The following CASR variants were observed in gnomAD, a reference collection of about 807,000 sequenced individuals.
CASR encodes extracellular calcium-sensing receptor.
In CASR, 23 loss-of-function variants were observed where a neutral mutation model predicts 69.1. The observed-to-expected ratio is 0.33, with a 90% CI of 0.24 to 0.47. The LOEUF (loss-of-function observed/expected upper bound fraction) is 0.47, where lower values mean the gene tolerates loss of function less well. Among genes scored for constraint, CASR ranks in the 20% least tolerant of loss-of-function variants. CASR has a pLI of 1.00. For synonymous variants in CASR, 541 were observed against 544.7 expected (o/e 0.99, Z 0.10); for missense variants, 924 against 1,356.1 (o/e 0.68, Z 5.00).
chr3:122,264,991 C>T (rs1447641189), intron 4 of CASR, among the ~76,000 whole-genome samples: 1 of 152,200 alleles, frequency 6.6e-6, no homozygotes, highest in African/African-American at 2.4e-5. Context: ...CACCTCCTCA[C>T]AAATCACTCA....
intron 3 of CASR, among the ~76,000 whole-genome samples, chr3:122,259,266 A>G (rs1474402019): frequency 6.6e-6 from 1 of 152,148 alleles, no homozygotes; most frequent in Non-Finnish European, 1.5e-5. Flanking sequence ...TATTTTTGAA[A>G]AACTCAAGAA....
intron 1 of CASR, among the ~76,000 whole-genome samples, chr3:122,206,927 T>C (rs1251933752): frequency 6.6e-6 from 1 of 152,054 alleles, no homozygotes; most frequent in Non-Finnish European, 1.5e-5. Flanking sequence ...TTCCTTTTTT[T>C]GCTTCTGATA....
intron 1 of CASR, among the ~76,000 whole-genome samples, chr3:122,222,902 AATACCAAGAAGATCT>A (rs2074185865): frequency 6.6e-6 from 1 of 152,210 alleles, no homozygotes; most frequent in African/African-American, 2.4e-5. Context: ...AATAGAAATC[AATACCAAGAAGATCT>A]GTCAAAACCA....
intron 1 of CASR, among the ~76,000 whole-genome samples, chr3:122,208,812 T>C (rs1359056289): frequency 6.6e-6 from 1 of 152,178 alleles, no homozygotes; most frequent in Non-Finnish European, 1.5e-5. Flanking sequence ...GCCTTCCTCA[T>C]ACTGATTAGA....
In CASR at chr3:122,255,111, C is replaced by T. The variant is rs567776878; in HGVS notation, c.185+737C>T. Among the ~76,000 whole-genome samples, 347 of 152,272 alleles carry T rather than the reference C, an allele frequency of 2.3e-3. 1 individual carries two copies. Among genetic ancestry groups the T allele is most frequent in the African/African-American group, 6.9e-3 (285 of 41,540 alleles). ...CATCATTTTCTCCATGATATGCTTT[C>T]CAGACCCGTCATCATCCTGGTTGTC... On this transcript the variant is annotated intron_variant, in intron 2 of 6. Transcript: ENST00000639785.
chr3:122,277,142 A>G (rs976081449), intron 5 of CASR, among the ~76,000 whole-genome samples: 2 of 144,452 alleles, frequency 1.4e-5, no homozygotes, highest in African/African-American at 2.6e-5. Context: ...TCTGCCTCCC[A>G]GGTTCAAGCA....
At chr3:122,207,534 C>A (rs2074019287) in intron 1 of CASR, among the ~76,000 whole-genome samples, 1 of 151,990 alleles carries the variant, frequency 6.6e-6, no homozygotes, top group African/African-American at 2.4e-5. Context: ...GGAAACTTCA[C>A]AAACACATGG....
At chr3:122,263,114 T>C (rs1559960312) in intron 4 of CASR, among the ~76,000 whole-genome samples, 2 of 152,348 alleles carry the variant, frequency 1.3e-5, no homozygotes, top group Middle Eastern at 3.4e-3. Context: ...ATATCCTAAA[T>C]AGCTGTTCGG....
chr3:122,203,972 T>G (rs1015260486), intron 1 of CASR, among the ~76,000 whole-genome samples: 2 of 152,234 alleles, frequency 1.3e-5, no homozygotes, highest in Admixed American at 6.5e-5. Context: ...TTTTAATTGA[T>G]GAATAATAGA....
In CASR at chr3:122,216,997, C is replaced by T. The variant is rs80143966; in HGVS notation, c.-243+33185C>T. Among the ~76,000 whole-genome samples the T allele has an allele frequency of 6.4e-3, 977 of 152,302 alleles. 5 individuals carry two copies. The highest frequency in any genetic ancestry group is 9.5e-3 in the Non-Finnish European group (647 of 68,028). ...ACATACAGTGGTGAACTACACAGAC[C>T]TCATCCACGTGGAGCTGACTGTCTA... On this transcript the variant is annotated intron_variant, in intron 1 of 6. Transcript: ENST00000639785.
In CASR at chr3:122,284,161, T is replaced by C. The variant is rs760635825; in HGVS notation, c.2207T>C (p.Ile736Thr). ...GTTTTCCTCTGCACCTTCATGCAGA[T>C]TGTCATCTGTGTGATCTGGCTCTAC... ...LLVFLCTFMQIVICVIWLYTA... is the reference protein window; with the variant it reads ...LLVFLCTFMQTVICVIWLYTA... The change falls in exon 7 of 7, where the codon ATT becomes ACT. Residue 736 changes from isoleucine to threonine, a missense_variant. Around this residue, in one of 8 missense-constraint regions of CASR, gnomAD observed 184 missense variants for 278.8 expected, o/e 0.66. Transcript: ENST00000639785. 1 of 1,613,310 alleles carries C rather than the reference T, an allele frequency of 6.2e-7. No individual in the cohort carries two copies. Among genetic ancestry groups the C allele is most frequent in the East Asian group, 2.2e-5 (1 of 44,856 alleles).
chr3:122,260,693 A>T (rs1011552336), intron 3 of CASR, among the ~76,000 whole-genome samples: 26 of 151,454 alleles, frequency 1.7e-4, no homozygotes, highest in Non-Finnish European at 3.4e-4. Flanking sequence ...GTATAATAAA[A>T]AAAAAAAAAA....
At chr3:122,256,991 C>A in intron 2 of CASR, 90 bp from the exon 3 acceptor site, 1 of 1,056,082 alleles carries the variant, frequency 9.5e-7, no homozygotes, top group Non-Finnish European at 1.5e-6. Context: ...AGTAACAGTT[C>A]GATGATTCAA....
At chr3:122,189,722 T>C (rs923523586) in intron 1 of CASR, among the ~76,000 whole-genome samples, 1 of 152,202 alleles carries the variant, frequency 6.6e-6, no homozygotes, top group Admixed American at 6.5e-5. Flanking sequence ...AGAGTTCCTA[T>C]TAAGCATATT....
At chr3:122,236,853 T>C (rs2074333649) in intron 1 of CASR, among the ~76,000 whole-genome samples, 1 of 152,188 alleles carries the variant, frequency 6.6e-6, no homozygotes, top group Non-Finnish European at 1.5e-5. Context: ...GCAGAAAGGT[T>C]TGAAAGAAAT....
chr3:122,251,094 A>T (rs959296076), intron 1 of CASR, among the ~76,000 whole-genome samples: 24 of 152,196 alleles, frequency 1.6e-4, no homozygotes, highest in African/African-American at 5.5e-4. Flanking sequence ...AGGAGACTCC[A>T]TGAAAATTGA....
chr3:122,254,794 T>C (rs995463926), intron 2 of CASR, among the ~76,000 whole-genome samples: 2 of 152,226 alleles, frequency 1.3e-5, no homozygotes, highest in Non-Finnish European at 2.9e-5. Context: ...CTCACTCTTT[T>C]TCTTTTTTTT....
At chr3:122,244,070 G>A (rs1377706270) in intron 1 of CASR, among the ~76,000 whole-genome samples, 5 of 152,150 alleles carry the variant, frequency 3.3e-5, no homozygotes, top group Non-Finnish European at 1.5e-5. Context: ...TGGTTAATGG[G>A]TACAAAAAGT....
intron 1 of CASR, among the ~76,000 whole-genome samples, chr3:122,231,825 T>C (rs186657761): frequency 2.2e-4 from 34 of 151,836 alleles, no homozygotes; most frequent in Non-Finnish European, 4.6e-4. Flanking sequence ...CACTAAACAA[T>C]TTACCTTGCA....
Sources: allele counts gnomAD v4.1 joint callset (sites outside exome capture counted in the v4.1 genomes callset), GRCh38; gene constraint gnomAD v4.1.1; regional missense constraint gnomAD v4.1.1; transcripts MANE v1.5; gene names NCBI Gene and HGNC (gene_info 2026-07-23, HGNC 2026-07-21).